NRCAM: variants seen among roughly 807,000 people sequenced by gnomAD.
The protein encoded by NRCAM is neuronal cell adhesion molecule, also known as NgCAM-related cell adhesion molecule.
NRCAM carries 83 observed loss-of-function variants against 156.5 expected under a neutral mutation model. The ratio of observed to expected loss-of-function variants is 0.53; its 90% CI spans 0.44 to 0.64. The LOEUF (loss-of-function observed/expected upper bound fraction) is 0.64. NRCAM is among the 30% of genes least tolerant of loss of function. The pLI, the probability that NRCAM is intolerant of heterozygous loss-of-function variation, is 0.00. For missense variants in NRCAM, 1,417 were observed against 1,597.3 expected (o/e 0.89, Z 1.92); for synonymous variants, 538 against 563.9 (o/e 0.95, Z 0.65).
intron 13 of NRCAM, among the ~76,000 whole-genome samples, chr7:108,204,253 A>G (rs2079797328): frequency 6.6e-6 from 1 of 152,122 alleles, no homozygotes; most frequent in Non-Finnish European, 1.5e-5. Context: ...TCATTCTCTC[A>G]TTATTTTGGA....
chr7:108,383,907 A>C (rs1481014187), intron 2 of NRCAM, among the ~76,000 whole-genome samples: 1 of 152,182 alleles, frequency 6.6e-6, no homozygotes, highest in Non-Finnish European at 1.5e-5. Flanking sequence ...ATGATAACAT[A>C]CCATTAAGAC....
chr7:108,339,129 C>T (rs1408098062), intron 2 of NRCAM, among the ~76,000 whole-genome samples: 1 of 152,172 alleles, frequency 6.6e-6, no homozygotes, highest in African/African-American at 2.4e-5. Context: ...TGATAATTCC[C>T]TTAACCCAGA....
At chr7:108,353,409 G>C (rs2099440846) in intron 2 of NRCAM, among the ~76,000 whole-genome samples, 1 of 151,910 alleles carries the variant, frequency 6.6e-6, no homozygotes, top group Non-Finnish European at 1.5e-5. Context: ...CTGGAATGCA[G>C]TGGTGTGATT....
intron 1 of NRCAM, among the ~76,000 whole-genome samples, chr7:108,403,961 C>T (rs2099800319): frequency 6.6e-6 from 1 of 152,146 alleles, no homozygotes; most frequent in East Asian, 1.9e-4. Context: ...TAAAAAGTCT[C>T]ACACCGAAGG....
At chr7:108,359,209 A>G (rs541326822) in intron 2 of NRCAM, among the ~76,000 whole-genome samples, 2 of 152,320 alleles carry the variant, frequency 1.3e-5, no homozygotes, top group East Asian at 1.9e-4. Context: ...TCTAGGTCCT[A>G]TGGGAGACAG....
At chr7:108,372,712 C>T (rs1595522223) in intron 2 of NRCAM, among the ~76,000 whole-genome samples, 2 of 152,180 alleles carry the variant, frequency 1.3e-5, no homozygotes, top group African/African-American at 4.8e-5. Context: ...CAAGTGTTGG[C>T]ATGGACGTGG....
chr7:108,149,761 TTA>T lies in NRCAM; in HGVS notation c.*147_*148del. ...CATATTAACATATCATTTGACTGAGTTATGTTTTTGCTGTAACTATTCTCATA... is the reference window on the plus strand; with the variant it reads ...CATATTAACATATCATTTGACTGAGTTGTTTTTGCTGTAACTATTCTCATA... On this transcript the variant is annotated 3_prime_UTR_variant, in exon 33 of 33. Coordinates refer to ENST00000379028, the MANE Select transcript of NRCAM (RefSeq NM_001037132.4). The T allele has an allele frequency of 3.0e-6, 2 of 677,728 alleles. No homozygotes were observed. The highest frequency in any genetic ancestry group is 2.6e-6 in the Non-Finnish European group (1 of 391,738). 42.0% of individuals were successfully genotyped at this position (677,728 alleles called of 1,614,324 possible).
chr7:108,321,768 G>A (rs925964306), intron 2 of NRCAM, among the ~76,000 whole-genome samples: 2 of 152,126 alleles, frequency 1.3e-5, no homozygotes, highest in Non-Finnish European at 2.9e-5. Flanking sequence ...TTACACTTTG[G>A]TCTGACCAAT....
intron 13 of NRCAM, chr7:108,207,191 A>G (rs964780394): frequency 5.0e-6 from 1 of 198,332 alleles, no homozygotes; most frequent in African/African-American, 2.4e-5. Context: ...TGACATTTCT[A>G]CAAATCACTT....
chr7:108,427,463 AAAGTC>A (rs1334842553), intron 1 of NRCAM, among the ~76,000 whole-genome samples: 4 of 152,188 alleles, frequency 2.6e-5, no homozygotes, highest in Non-Finnish European at 5.9e-5. Flanking sequence ...ATTTCAACTT[AAAGTC>A]AAGTTTTTTG....
intron 17 of NRCAM, among the ~76,000 whole-genome samples, chr7:108,192,744 A>T (rs76467935): frequency 6.6e-6 from 1 of 152,142 alleles, no homozygotes; most frequent in Non-Finnish European, 1.5e-5. Context: ...GCAGAAAATC[A>T]TGTCATTTTC....
chr7:108,427,499 G>T (rs767239534), intron 1 of NRCAM, among the ~76,000 whole-genome samples: 19 of 152,150 alleles, frequency 1.2e-4, no homozygotes, highest in Non-Finnish European at 2.4e-4. Flanking sequence ...TTGTTCTTCA[G>T]TACAATTTAT....
intron 24 of NRCAM, among the ~76,000 whole-genome samples, chr7:108,180,904 G>A (rs756115531): frequency 1.3e-5 from 2 of 152,188 alleles, no homozygotes; most frequent in African/African-American, 2.4e-5. Context: ...GCAGATGAAC[G>A]TGTGGGCTAC....
At chr7:108,318,791 C>T (rs559404118) in intron 2 of NRCAM, among the ~76,000 whole-genome samples, 37 of 152,296 alleles carry the variant, frequency 2.4e-4, no homozygotes, top group African/African-American at 8.2e-4. Context: ...CTCCCCTAGC[C>T]ATCCTAGCCC....
At chr7:108,400,138 G>A (rs542985342) in intron 1 of NRCAM, among the ~76,000 whole-genome samples, 1 of 152,204 alleles carries the variant, frequency 6.6e-6, no homozygotes, top group East Asian at 1.9e-4. Context: ...GGAATAAAGG[G>A]GTTGCTGAAC....
At chr7:108,249,436 G>A (rs1209053048) in intron 3 of NRCAM, among the ~76,000 whole-genome samples, 2 of 152,130 alleles carry the variant, frequency 1.3e-5, no homozygotes, top group African/African-American at 4.8e-5. Flanking sequence ...CAGCAAAACA[G>A]CAGAGTAATG....
intron 3 of NRCAM, among the ~76,000 whole-genome samples, chr7:108,273,087 T>C (rs1368721657): frequency 6.6e-6 from 1 of 152,232 alleles, no homozygotes; most frequent in Non-Finnish European, 1.5e-5. Flanking sequence ...TCATCCTTTT[T>C]TATGGCTGCA....
At chr7:108,428,942 CTT>C (rs769008394) in intron 1 of NRCAM, among the ~76,000 whole-genome samples, 176 of 145,446 alleles carry the variant, frequency 1.2e-3, no homozygotes, top group Admixed American at 1.3e-3. Flanking sequence ...ATTTTCTTTT[CTT>C]TTCTTCTTTT....
intron 13 of NRCAM, among the ~76,000 whole-genome samples, chr7:108,201,290 G>A (rs866822622): frequency 2.0e-5 from 3 of 151,922 alleles, no homozygotes; most frequent in African/African-American, 4.8e-5. Flanking sequence ...CACCCTGACC[G>A]CATCTCTGTG....
Sources: gnomAD v4.1 joint callset for allele counts (sites outside exome capture counted in the v4.1 genomes callset) on GRCh38, gnomAD v4.1.1 for gene constraint, MANE v1.5 for transcripts, NCBI Gene and HGNC (gene_info 2026-07-23, HGNC 2026-07-21) for gene names.